PIP5K1B: variants seen among roughly 807,000 people sequenced by gnomAD.
PIP5K1B encodes the protein phosphatidylinositol 4-phosphate 5-kinase type-1 beta.
In PIP5K1B, 42 loss-of-function variants were observed where a neutral mutation model predicts 67.0. That is an observed-to-expected ratio of 0.63 (90% CI 0.49 to 0.81). The LOEUF (loss-of-function observed/expected upper bound fraction) is 0.81. PIP5K1B is among the 30% of genes least tolerant of loss of function. The pLI is 0.00. For missense variants in PIP5K1B, 459 were observed against 646.3 expected (o/e 0.71, Z 3.14); for synonymous variants, 214 against 231.4 (o/e 0.92, Z 0.68).
chr9:68,987,183 C>T (rs1052512298), intron 14 of PIP5K1B, among the ~76,000 whole-genome samples: 4 of 151,698 alleles, frequency 2.6e-5, no homozygotes, highest in Middle Eastern at 3.2e-3. Flanking sequence ...ACCCAGGAGG[C>T]GGAGGTTGCA....
intron 14 of PIP5K1B, among the ~76,000 whole-genome samples, chr9:68,959,232 T>G (rs1662018437): frequency 1.3e-5 from 2 of 152,222 alleles, no homozygotes; most frequent in Admixed American, 6.5e-5. Context: ...ATACAATCAT[T>G]AATGCCTCTG....
chr9:68,883,065 G>A (rs992145268), intron 6 of PIP5K1B, among the ~76,000 whole-genome samples: 1 of 152,104 alleles, frequency 6.6e-6, no homozygotes, highest in Non-Finnish European at 1.5e-5. Context: ...CTCTTTGCCA[G>A]GGTTTTCAAA....
chr9:68,934,750 A>G (rs1827167666), intron 12 of PIP5K1B, 140 bp from the exon 13 acceptor site: 3 of 513,772 alleles, frequency 5.8e-6, no homozygotes, highest in South Asian at 5.9e-5. Context: ...CTCCCTTTCC[A>G]TATATATAAA....
At chr9:68,729,166 G>T (rs1828294248) in intron 1 of PIP5K1B, among the ~76,000 whole-genome samples, 1 of 149,686 alleles carries the variant, frequency 6.7e-6, no homozygotes, top group African/African-American at 2.5e-5. Context: ...GTATATGGGG[G>T]TTGCATAGGG....
chr9:68,887,350 C>T (rs560119388), intron 6 of PIP5K1B, among the ~76,000 whole-genome samples: 2 of 152,150 alleles, frequency 1.3e-5, no homozygotes, highest in African/African-American at 4.8e-5. Flanking sequence ...GGGAGGTTGT[C>T]GCAGGCACAG....
At chr9:68,767,868 T>C (rs1362637715) in intron 2 of PIP5K1B, among the ~76,000 whole-genome samples, 6 of 152,154 alleles carry the variant, frequency 3.9e-5, no homozygotes, top group African/African-American at 1.2e-4. Context: ...AAAGGGTGAA[T>C]TTTATTGCAC....
intron 8 of PIP5K1B, among the ~76,000 whole-genome samples, chr9:68,913,017 A>T (rs1454546624): frequency 6.6e-6 from 1 of 152,222 alleles, no homozygotes; most frequent in African/African-American, 2.4e-5. Flanking sequence ...TTGTGTCTTC[A>T]GGGTACTCTA....
intron 6 of PIP5K1B, among the ~76,000 whole-genome samples, chr9:68,878,611 G>A (rs1287172889): frequency 6.6e-6 from 1 of 152,178 alleles, no homozygotes; most frequent in Non-Finnish European, 1.5e-5. Flanking sequence ...TATCTAAAAT[G>A]CTTTGCTCAT....
At position 68,995,576 on chromosome 9, in the gene PIP5K1B, C is replaced by T. The variant is rs554082020; in HGVS notation, c.1620+4319C>T. Reference sequence around the variant, plus strand: ...ATCCCAGCACTTTGGGAGGCCGAGGCGGGCAGATCACCTGAGGTCGGGAAT... The same window carrying T: ...ATCCCAGCACTTTGGGAGGCCGAGGTGGGCAGATCACCTGAGGTCGGGAAT... On this transcript the variant is annotated intron_variant, in intron 15 of 15. Coordinates refer to ENST00000265382, the MANE Select transcript of PIP5K1B (RefSeq NM_003558.4). 1.7e-3 allele frequency among the ~76,000 whole-genome samples: 254 copies of T among 152,136 alleles called. 2 individuals carry two copies. The highest frequency in any genetic ancestry group is 5.0e-3 in the Admixed American group (76 of 15,286).
At chr9:68,971,316 A>T (rs923323836) in intron 14 of PIP5K1B, among the ~76,000 whole-genome samples, 1 of 152,224 alleles carries the variant, frequency 6.6e-6, no homozygotes, top group African/African-American at 2.4e-5. Context: ...CCTGCAAAGG[A>T]CATAAACTCA....
chr9:68,720,717 C>G (rs760666771), intron 1 of PIP5K1B, among the ~76,000 whole-genome samples: 1 of 151,774 alleles, frequency 6.6e-6, no homozygotes, highest in Non-Finnish European at 1.5e-5. Context: ...TGTCTCTTAC[C>G]TGGGCTGGTG....
chr9:68,806,190 C>G (rs757792376), intron 2 of PIP5K1B, among the ~76,000 whole-genome samples: 4 of 152,208 alleles, frequency 2.6e-5, no homozygotes, highest in Non-Finnish European at 4.4e-5. Flanking sequence ...AAAGGTGGCA[C>G]AGGTTATGAC....
intron 1 of PIP5K1B, among the ~76,000 whole-genome samples, chr9:68,710,326 C>T (rs1418494542): frequency 6.6e-6 from 1 of 152,066 alleles, no homozygotes; most frequent in Non-Finnish European, 1.5e-5. Context: ...TTACTTTTTG[C>T]TGAGTGCCAG....
chr9:68,985,054 G>A (rs1431990272), intron 14 of PIP5K1B, among the ~76,000 whole-genome samples: 1 of 152,194 alleles, frequency 6.6e-6, no homozygotes, highest in Non-Finnish European at 1.5e-5. Context: ...AACAGGCTGG[G>A]TGGGATGCTC....
intron 2 of PIP5K1B, among the ~76,000 whole-genome samples, chr9:68,764,932 A>T (rs879494579): frequency 6.6e-6 from 1 of 152,066 alleles, no homozygotes; most frequent in Non-Finnish European, 1.5e-5. Flanking sequence ...AATAAAACTA[A>T]TTTTTATTTT....
chr9:68,806,458 C>T (rs954099416), intron 2 of PIP5K1B, among the ~76,000 whole-genome samples: 2 of 152,186 alleles, frequency 1.3e-5, no homozygotes, highest in African/African-American at 2.4e-5. Flanking sequence ...CTGGTTTTCG[C>T]TTCCCATTTT....
Position 68,917,770 on chromosome 9 carries a change from C to T in PIP5K1B, c.983+11C>T. ...AGAGAACCCAGACACGTAAGTGCAG[C>T]CACACACCTACCCACCCTCTTGACT... On this transcript the variant is annotated intron_variant, in intron 9 of 15. Coordinates refer to ENST00000265382, the MANE Select transcript of PIP5K1B (RefSeq NM_003558.4). 6.3e-7 allele frequency: 1 copy of T among 1,597,440 alleles called. No homozygotes were observed. The highest frequency in any genetic ancestry group is 8.6e-7 in the Non-Finnish European group (1 of 1,165,352).
intron 1 of PIP5K1B, among the ~76,000 whole-genome samples, chr9:68,728,590 G>A (rs1828263261): frequency 6.6e-6 from 1 of 152,098 alleles, no homozygotes; most frequent in South Asian, 2.1e-4. Flanking sequence ...AACATTCCAA[G>A]TAGAAGGGAT....
chr9:68,814,253 G>C (rs572691899), intron 2 of PIP5K1B, among the ~76,000 whole-genome samples: 1 of 152,200 alleles, frequency 6.6e-6, no homozygotes, highest in Non-Finnish European at 1.5e-5. Flanking sequence ...AGCGAAAATA[G>C]TGTATAGTCA....
Sources: allele counts gnomAD v4.1 joint callset (sites outside exome capture counted in the v4.1 genomes callset), GRCh38; gene constraint gnomAD v4.1.1; transcripts MANE v1.5; gene names NCBI Gene and HGNC (gene_info 2026-07-23, HGNC 2026-07-21).